The following TENM2 variants were observed in gnomAD, a reference collection of about 807,000 sequenced individuals.
TENM2 encodes teneurin transmembrane protein 2.
TENM2 carries 52 observed loss-of-function variants against 245.2 expected under a neutral mutation model. The ratio of observed to expected loss-of-function variants is 0.21; its 90% CI spans 0.17 to 0.27. TENM2 has a LOEUF of 0.27. Ranked by LOEUF, TENM2 falls within the 10% of genes least tolerant of loss-of-function variation. The probability of loss-of-function intolerance (pLI) is 1.00; values close to 1 mark genes in which losing one functional copy is unlikely to be tolerated. For missense variants in TENM2, 3,046 were observed against 3,666.8 expected (o/e 0.83, Z 4.37); for synonymous variants, 1,363 against 1,438.9 (o/e 0.95, Z 1.19).
intron 2 of TENM2, among the ~76,000 whole-genome samples, chr5:167,516,800 G>C (rs566980780): frequency 2.6e-5 from 4 of 152,280 alleles, no homozygotes; most frequent in South Asian, 4.1e-4. Flanking sequence ...TTAAAATTCT[G>C]TCCTACACAT....
At chr5:167,035,295 T>G in the TENM2 span, among the ~76,000 whole-genome samples, 5 of 152,188 alleles carry the variant, frequency 3.3e-5, no homozygotes, top group East Asian at 9.6e-4. Flanking sequence ...TGAGTCAATA[T>G]ACACATTGGT....
In TENM2 at chr5:168,011,297, T is replaced by C. The variant is rs562197946; in HGVS notation, c.1186+18115T>C. On this transcript the variant is annotated intron_variant, in intron 5 of 28. Transcript: ENST00000518659. ...CTCTTCTTGCATCAGGATTCTGCCTTTTTCTCTAAGTCAGTGCGCCCTCAC... is the reference window on the plus strand; with the variant it reads ...CTCTTCTTGCATCAGGATTCTGCCTCTTTCTCTAAGTCAGTGCGCCCTCAC... 2.5e-3 allele frequency among the ~76,000 whole-genome samples: 386 copies of C among 152,338 alleles called. 1 individual carries two copies. Among genetic ancestry groups the C allele is most frequent in the African/African-American group, 9.0e-3 (376 of 41,582 alleles).
chr5:167,240,274 CTGTTTGTCCG>C, the TENM2 span, among the ~76,000 whole-genome samples: 1 of 149,126 alleles, frequency 6.7e-6, no homozygotes, highest in Non-Finnish European at 1.5e-5. Flanking sequence ...TTTTTTTGCT[CTGTTTGTCCG>C]TGTTTATACT....
chr5:167,780,132 T>A (rs1341866088), intron 2 of TENM2, among the ~76,000 whole-genome samples: 2 of 152,284 alleles, frequency 1.3e-5, no homozygotes, highest in African/African-American at 4.8e-5. Context: ...AGCACAAATG[T>A]TTTTCACTGA....
At chr5:167,484,645 A>G (rs1041919922) in intron 2 of TENM2, among the ~76,000 whole-genome samples, 1 of 152,202 alleles carries the variant, frequency 6.6e-6, no homozygotes, top group African/African-American at 2.4e-5. Flanking sequence ...GGAAGTTCGT[A>G]CAGTGTCTTA....
chr5:167,508,336 G>T (rs924405755), intron 2 of TENM2, among the ~76,000 whole-genome samples: 1 of 152,086 alleles, frequency 6.6e-6, no homozygotes, highest in Non-Finnish European at 1.5e-5. Context: ...CACAAAGAAA[G>T]GACAGTAGGG....
At chr5:168,135,489 G>A (rs1754969919) in intron 12 of TENM2, among the ~76,000 whole-genome samples, 1 of 152,102 alleles carries the variant, frequency 6.6e-6, no homozygotes, top group Non-Finnish European at 1.5e-5. Context: ...TTTATTGCTT[G>A]CTTCTTTATC....
chr5:167,338,685 A>G (rs951022009), intron 1 of TENM2, among the ~76,000 whole-genome samples: 3 of 152,176 alleles, frequency 2.0e-5, no homozygotes, highest in African/African-American at 7.2e-5. Context: ...CTTGCTATGT[A>G]TTAGTTAGCA....
chr5:167,299,650 C>T (rs191784664), intron 1 of TENM2, among the ~76,000 whole-genome samples: 9 of 152,078 alleles, frequency 5.9e-5, no homozygotes, highest in South Asian at 2.1e-4. Context: ...TGGTGTGTGG[C>T]GATTAGGCCT....
At chr5:167,209,954 C>T in the TENM2 span, among the ~76,000 whole-genome samples, 1 of 152,102 alleles carries the variant, frequency 6.6e-6, no homozygotes, top group Admixed American at 6.5e-5. Context: ...TGTCTTGTTG[C>T]CTTGTATATT....
chr5:166,986,377 C>A, the TENM2 span, among the ~76,000 whole-genome samples: 2 of 152,200 alleles, frequency 1.3e-5, no homozygotes, highest in East Asian at 3.9e-4. Flanking sequence ...CAATCTTGAG[C>A]ACAGCTTATT....
intron 1 of TENM2, among the ~76,000 whole-genome samples, chr5:167,335,583 A>G (rs1757708285): frequency 1.3e-5 from 2 of 152,084 alleles, no homozygotes; most frequent in Admixed American, 1.3e-4. Context: ...CGATTTCACA[A>G]TTAGCACCAC....
intron 2 of TENM2, chr5:167,754,958 G>C: frequency 6.7e-7 from 1 of 1,487,530 alleles, no homozygotes; most frequent in Non-Finnish European, 9.0e-7. Flanking sequence ...CCCAGCTGGA[G>C]AAGGCCTCAG....
intron 1 of TENM2, among the ~76,000 whole-genome samples, chr5:167,336,210 G>C (rs1335222228): frequency 7.0e-6 from 1 of 143,578 alleles, no homozygotes; most frequent in African/African-American, 2.6e-5. Flanking sequence ...TCCGGTCAGG[G>C]TAAGGGTCTA....
chr5:167,117,539 A>G, the TENM2 span, among the ~76,000 whole-genome samples: 3 of 152,096 alleles, frequency 2.0e-5, no homozygotes, highest in Admixed American at 6.5e-5. Flanking sequence ...AAGCCTAACC[A>G]TAAAAACATA....
intron 2 of TENM2, among the ~76,000 whole-genome samples, chr5:167,706,306 A>C (rs1758519113): frequency 6.8e-6 from 1 of 147,532 alleles, no homozygotes; most frequent in Admixed American, 6.8e-5. Context: ...TATGTATCAC[A>C]GTATATATAA....
intron 2 of TENM2, among the ~76,000 whole-genome samples, chr5:167,512,798 G>A (rs931140785): frequency 6.6e-6 from 1 of 152,076 alleles, no homozygotes; most frequent in East Asian, 1.9e-4. Flanking sequence ...CCTTTTTGGT[G>A]TCTATTTTTA....
chr5:167,076,620 T>C, the TENM2 span, among the ~76,000 whole-genome samples: 1 of 152,222 alleles, frequency 6.6e-6, no homozygotes, highest in Admixed American at 6.5e-5. Flanking sequence ...TAATAGTCGC[T>C]ATATACTAAA....
chr5:167,927,843 G>A (rs1327134847), intron 3 of TENM2, among the ~76,000 whole-genome samples: 1 of 152,192 alleles, frequency 6.6e-6, no homozygotes, highest in African/African-American at 2.4e-5. Context: ...CCCGGGTCCT[G>A]AGTGCCTGCC....
Sources: gnomAD v4.1 joint callset for allele counts (sites outside exome capture counted in the v4.1 genomes callset) on GRCh38, gnomAD v4.1.1 for gene constraint, MANE v1.5 for transcripts, NCBI Gene and HGNC (gene_info 2026-07-23, HGNC 2026-07-21) for gene names.